PPHLN1: variants seen among roughly 807,000 people sequenced by gnomAD.
PPHLN1 encodes periphilin 1, also known as periphilin-1.
Under a neutral mutation model 51.3 loss-of-function variants are expected in PPHLN1, and 29 were observed. That is an observed-to-expected ratio of 0.57 (90% CI 0.42 to 0.77). The LOEUF is 0.77. Ranked by LOEUF, PPHLN1 falls within the 30% of genes least tolerant of loss-of-function variation. PPHLN1 has a pLI of 0.00. For missense variants in PPHLN1, 436 were observed against 438.4 expected, an observed-to-expected ratio of 0.99 and a Z score of 0.05; for synonymous variants, 147 against 147.8, an observed-to-expected ratio of 0.99 and a Z score of 0.04.
chr12:42,425,514 G>C (rs2081379397), intron 9 of PPHLN1, among the ~76,000 whole-genome samples: 1 of 151,978 alleles, frequency 6.6e-6, no homozygotes, highest in African/African-American at 2.4e-5. Context: ...AGCCTCCTGA[G>C]TAGCTGGGAT....
At chr12:42,405,938 T>C (rs1341207818) in intron 9 of PPHLN1, among the ~76,000 whole-genome samples, 1 of 152,180 alleles carries the variant, frequency 6.6e-6, no homozygotes, top group Non-Finnish European at 1.5e-5. Flanking sequence ...GAGTGATTTT[T>C]TCTACAAAGC....
At chr12:42,414,033 T>C (rs562470510) in intron 9 of PPHLN1, among the ~76,000 whole-genome samples, 51 of 151,686 alleles carry the variant, frequency 3.4e-4, no homozygotes, top group African/African-American at 1.2e-3. Flanking sequence ...ATTTTATTAT[T>C]ATTTTATTTA....
chr12:42,421,361 G>T lies in PPHLN1; in HGVS notation c.910-19954G>T, dbSNP rs548023551. On this transcript the variant is annotated intron_variant, in intron 9 of 9. Transcript: ENST00000358314. ...TATTTTATTGATTGATTGATTGATT[G>T]ATTGAGATGGAGTTTTGCTCTGTTG... 9.9e-5 allele frequency among the ~76,000 whole-genome samples: 15 copies of T among 152,008 alleles called. No homozygotes were observed. The East Asian group carries it at 1.9e-3, about 20-fold the overall frequency.
chr12:42,387,545 A>G lies in PPHLN1; in HGVS notation c.648+10A>G, dbSNP rs1363589466. The G allele has an allele frequency of 1.9e-5, 31 of 1,608,554 alleles. No individual in the cohort carries two copies. Among genetic ancestry groups the G allele is most frequent in the Non-Finnish European group, 2.5e-5 (29 of 1,178,528 alleles). On this transcript the variant is annotated intron_variant, in intron 7 of 9. Coordinates refer to ENST00000358314, the MANE Select transcript of PPHLN1 (RefSeq NM_201439.2). ...AGTTTCTTCATCAAAGGTTTGTTATATTTCTAAAATCAGTTTAAAGAAGAA... is the reference window on the plus strand; with the variant it reads ...AGTTTCTTCATCAAAGGTTTGTTATGTTTCTAAAATCAGTTTAAAGAAGAA...
At chr12:42,426,824 A>T (rs1014898283) in intron 9 of PPHLN1, among the ~76,000 whole-genome samples, 26 of 152,176 alleles carry the variant, frequency 1.7e-4, no homozygotes, top group Admixed American at 1.6e-3. Context: ...GTTCTGAGAC[A>T]TAACTTCTGT....
chr12:42,360,121 A>AAAAAAAAAAAG (rs2074477598), intron 4 of PPHLN1, among the ~76,000 whole-genome samples: 1 of 151,360 alleles, frequency 6.6e-6, no homozygotes, highest in Admixed American at 6.6e-5. Context: ...AAAAAAAAAA[A>AAAAAAAAAAAG]AAGAAAAATT....
At chr12:42,328,711 T>C (rs1308745486) in intron 1 of PPHLN1, among the ~76,000 whole-genome samples, 3 of 152,182 alleles carry the variant, frequency 2.0e-5, no homozygotes, top group Non-Finnish European at 4.4e-5. Context: ...GCAGTACTTT[T>C]TATTTTTTTA....
chr12:42,375,220 T>C, intron 5 of PPHLN1, 146 bp downstream of exon 5: 1 of 646,590 alleles, frequency 1.5e-6, no homozygotes, highest in Non-Finnish European at 2.5e-6. Flanking sequence ...GATGGTAGAA[T>C]AGTATAACAA....
intron 9 of PPHLN1, chr12:42,431,887 A>C: frequency 6.3e-7 from 1 of 1,593,224 alleles, no homozygotes; most frequent in Non-Finnish European, 8.6e-7. Context: ...CATTCCATCC[A>C]TCAGAACAGC....
intron 2 of PPHLN1, among the ~76,000 whole-genome samples, chr12:42,340,432 A>G (rs766639276): frequency 6.6e-6 from 1 of 152,228 alleles, no homozygotes; most frequent in Admixed American, 6.5e-5. Flanking sequence ...TATTTGTAAG[A>G]GCTTCAAACT....
At chr12:42,333,861 G>A (rs904113855) in intron 1 of PPHLN1, among the ~76,000 whole-genome samples, 1 of 152,206 alleles carries the variant, frequency 6.6e-6, no homozygotes, top group African/African-American at 2.4e-5. Flanking sequence ...GCTTTTGGAT[G>A]AAAATAAGTA....
At chr12:42,361,741 A>C (rs958322909) in intron 4 of PPHLN1, 1 of 152,234 alleles carries the variant, frequency 6.6e-6, no homozygotes, top group Non-Finnish European at 1.5e-5. Flanking sequence ...AATTCTATTG[A>C]CAGTGTTGAA....
At chr12:42,426,230 C>CACACACACACACACA (rs1414627621) in intron 9 of PPHLN1, among the ~76,000 whole-genome samples, 1 of 80,354 alleles carries the variant, frequency 1.2e-5, no homozygotes, top group Non-Finnish European at 2.5e-5. Context: ...ACACACACAC[C>CACACACACACACACA]CTCATGCATT....
At chr12:42,387,811 T>C (rs1357185119) in intron 7 of PPHLN1, among the ~76,000 whole-genome samples, 2 of 152,204 alleles carry the variant, frequency 1.3e-5, no homozygotes, top group African/African-American at 4.8e-5. Flanking sequence ...CCCTGAACAA[T>C]TGCTTTGCCC....
At chr12:42,354,967 G>A (rs1485198645) in intron 3 of PPHLN1, among the ~76,000 whole-genome samples, 194 bp from the exon 4 acceptor site, 1 of 152,212 alleles carries the variant, frequency 6.6e-6, no homozygotes, top group Non-Finnish European at 1.5e-5. Flanking sequence ...TTTTAATAGA[G>A]ATAAATGGTA....
At chr12:42,336,008 A>T (rs767199482) in intron 2 of PPHLN1, 34 bp downstream of exon 2, 1 of 1,398,450 alleles carries the variant, frequency 7.2e-7, no homozygotes, top group Admixed American at 2.2e-5. Context: ...TGATTCAAAA[A>T]CCTGGTGTCT....
intron 1 of PPHLN1, chr12:42,332,815 TA>T: frequency 1.8e-6 from 1 of 556,028 alleles, no homozygotes; most frequent in Non-Finnish European, 3.0e-6. Context: ...TTAGAACTCT[TA>T]TTGTTTATTT....
intron 5 of PPHLN1, among the ~76,000 whole-genome samples, chr12:42,381,606 T>A (rs2076764048): frequency 6.6e-6 from 1 of 152,176 alleles, no homozygotes; most frequent in Admixed American, 6.5e-5. Context: ...CTGTTTCTTT[T>A]CTCTCATTTT....
intron 1 of PPHLN1, among the ~76,000 whole-genome samples, chr12:42,331,278 T>G (rs1195729859): frequency 1.3e-5 from 2 of 152,196 alleles, no homozygotes; most frequent in African/African-American, 4.8e-5. Flanking sequence ...CTGAGTGTAT[T>G]TAATAATGGA....
Sources: gnomAD v4.1 joint callset for allele counts (sites outside exome capture counted in the v4.1 genomes callset) on GRCh38, gnomAD v4.1.1 for gene constraint, MANE v1.5 for transcripts, NCBI Gene and HGNC (gene_info 2026-07-23, HGNC 2026-07-21) for gene names.